FAS: variants seen among roughly 807,000 people sequenced by gnomAD.
FAS encodes Fas cell surface death receptor.
A neutral mutation model predicts 33.2 loss-of-function variants in FAS; 5 were observed. That is an observed-to-expected ratio of 0.15 (90% CI 0.08 to 0.32). FAS has a LOEUF of 0.32. Among genes scored for constraint, FAS ranks in the 10% least tolerant of loss-of-function variants. FAS has a pLI of 1.00. For synonymous variants in FAS, 131 were observed against 130.7 expected (o/e 1.00, Z -0.01); for missense variants, 339 against 386.0 (o/e 0.88, Z 1.02).
rs1333133635 is a variant in FAS, at chr10:89,015,644, G to A, written c.*1194G>A. 2.0e-6 allele frequency: 1 copy of A among 498,522 alleles called. No homozygotes were observed. The highest frequency in any genetic ancestry group is 3.8e-6 in the Non-Finnish European group (1 of 260,678). The allele number at this position is 498,522 out of a possible 1,614,324, so 30.9% of individuals were successfully genotyped here. Reference sequence around the variant, plus strand: ...AAATAATATTTATATTTCTGTAAATGTAAACTGTGAAGATAGTTATAAACT... The same window carrying A: ...AAATAATATTTATATTTCTGTAAATATAAACTGTGAAGATAGTTATAAACT... On this transcript the variant is annotated 3_prime_UTR_variant, in exon 9 of 9. Coordinates refer to ENST00000652046, the MANE Select transcript of FAS (RefSeq NM_000043.6).
intron 2 of FAS, among the ~76,000 whole-genome samples, chr10:89,006,083 T>C (rs1848211340): frequency 6.6e-6 from 1 of 152,272 alleles, no homozygotes; most frequent in Admixed American, 6.5e-5. Context: ...AATTTTGTTT[T>C]CATACTTTGG....
At chr10:89,012,624 GT>G (rs1848589776) in intron 7 of FAS, 1 of 157,506 alleles carries the variant, frequency 6.3e-6, no homozygotes, top group Non-Finnish European at 1.4e-5. Flanking sequence ...AATTGAGAGT[GT>G]GCTGAAAATG....
At chr10:88,989,674 A>G, upstream of FAS, 1 of 452,402 alleles carries the variant, frequency 2.2e-6, no homozygotes, top group Non-Finnish European at 4.4e-6. Flanking sequence ...GCTCCAGAAG[A>G]AAATGTCAAC....
intron 6 of FAS, 143 bp downstream of exon 6, chr10:89,010,958 A>G: frequency 3.3e-6 from 3 of 915,102 alleles, no homozygotes; most frequent in East Asian, 2.4e-5. Flanking sequence ...TGCAGCCTTG[A>G]GAGCTGACTG....
In FAS at chr10:89,013,380, T is replaced by A; in HGVS notation, c.676+13T>A. 1.2e-6 allele frequency: 2 copies of A among 1,611,082 alleles called. No homozygotes were observed. The highest frequency in any genetic ancestry group is 3.3e-4 in the Middle Eastern group (2 of 6,052). On this transcript the variant is annotated intron_variant, in intron 8 of 8. Coordinates refer to ENST00000652046, the MANE Select transcript of FAS (RefSeq NM_000043.6). Reference sequence around the variant, plus strand: ...ATAAATTTATCTGGTAAGGCTTTTATCATTTTATTTCATAGAGATGGCATC... The same window carrying A: ...ATAAATTTATCTGGTAAGGCTTTTAACATTTTATTTCATAGAGATGGCATC...
intron 1 of FAS, among the ~76,000 whole-genome samples, chr10:88,998,375 C>T (rs1239769302): frequency 6.9e-6 from 1 of 145,644 alleles, no homozygotes; most frequent in Non-Finnish European, 1.5e-5. Flanking sequence ...AAAACAAAAA[C>T]AGTGAAGCCA....
At position 89,015,759 on chromosome 10, in the gene FAS, G is replaced by C. The variant is rs1377967506; in HGVS notation, c.*1309G>C. On this transcript the variant is annotated 3_prime_UTR_variant, in exon 9 of 9. Coordinates refer to ENST00000652046, the MANE Select transcript of FAS (RefSeq NM_000043.6). The stretch of plus-strand genomic sequence containing the variant: ...TTGGAATTATAAAATATAGGTAAAA[G>C]TACGTAATTAAATAATGTTTTTGGT... The C allele has an allele frequency of 2.2e-5, 11 of 489,870 alleles. No individual in the cohort carries two copies. The East Asian group carries it at 4.4e-4, about 20-fold the overall frequency. The allele number at this position is 489,870 out of a possible 1,614,324, so 30.3% of individuals were successfully genotyped here.
chr10:88,970,665 A>G (rs1324844346), intron 1 of FAS, among the ~76,000 whole-genome samples: 2 of 152,182 alleles, frequency 1.3e-5, no homozygotes, highest in East Asian at 1.9e-4. Flanking sequence ...TGGGAATTGA[A>G]CAATGAGAAC....
At chr10:89,004,565 G>A (rs1431928728) in intron 2 of FAS, among the ~76,000 whole-genome samples, 1 of 133,736 alleles carries the variant, frequency 7.5e-6, no homozygotes, top group Admixed American at 9.3e-5. Context: ...TAATTTATAC[G>A]AAAATACCCT....
At chr10:88,969,494 G>A (rs1846384521) in intron 1 of FAS, among the ~76,000 whole-genome samples, 1 of 152,176 alleles carries the variant, frequency 6.6e-6, no homozygotes, top group South Asian at 2.1e-4. Context: ...GAGACTTTCA[G>A]AGCTTTAGGC....
intron 2 of FAS, among the ~76,000 whole-genome samples, chr10:89,007,029 A>G (rs920074430): frequency 6.6e-6 from 1 of 152,204 alleles, no homozygotes; most frequent in African/African-American, 2.4e-5. Context: ...TTGATGAAAA[A>G]GTAATAGAAA....
upstream of FAS, among the ~76,000 whole-genome samples, chr10:88,990,079 T>C (rs1214472006): frequency 6.6e-6 from 1 of 152,208 alleles, no homozygotes; most frequent in Non-Finnish European, 1.5e-5. The surrounding 1 kb of genome is among the most constrained non-coding windows in gnomAD (Gnocchi z 4.9). Context: ...TAGCTGGGGC[T>C]ATGCGATTTG....
chr10:88,992,997 T>C (rs1398011110), intron 1 of FAS, among the ~76,000 whole-genome samples: 1 of 152,242 alleles, frequency 6.6e-6, no homozygotes. Context: ...ATTTTAATTC[T>C]ATTAATGGGC....
intron 7 of FAS, among the ~76,000 whole-genome samples, 168 bp from the exon 8 acceptor site, chr10:89,013,175 A>C (rs1235110862): frequency 6.6e-6 from 1 of 152,204 alleles, no homozygotes; most frequent in African/African-American, 2.4e-5. Flanking sequence ...TAAAAATTGA[A>C]TGGTAAAAGT....
At chr10:88,968,638 C>T (rs1214940126) in intron 1 of FAS, among the ~76,000 whole-genome samples, 1 of 152,138 alleles carries the variant, frequency 6.6e-6, no homozygotes. Flanking sequence ...AGTCAAAATA[C>T]CACTCCAGAG....
chr10:88,986,418 T>G (rs1187122941), upstream of FAS, among the ~76,000 whole-genome samples: 1 of 152,252 alleles, frequency 6.6e-6, no homozygotes, highest in Non-Finnish European at 1.5e-5. Flanking sequence ...AATTGCTGTC[T>G]GCTTTTTAGT....
intron 7 of FAS, chr10:89,012,832 G>C (rs980345410): frequency 6.5e-6 from 1 of 153,268 alleles, no homozygotes; most frequent in African/African-American, 2.4e-5. Flanking sequence ...TCCCAACATG[G>C]TATCAATATA....
intron 2 of FAS, among the ~76,000 whole-genome samples, chr10:88,979,516 C>A (rs887075271): frequency 9.2e-5 from 14 of 152,116 alleles, no homozygotes; most frequent in Non-Finnish European, 5.9e-5. Context: ...GTGTAGGCAG[C>A]AATAACCCTA....
At chr10:88,969,775 T>C (rs1330820149) in intron 1 of FAS, among the ~76,000 whole-genome samples, 3 of 152,216 alleles carry the variant, frequency 2.0e-5, no homozygotes, top group Non-Finnish European at 4.4e-5. Context: ...ATTATTTCAT[T>C]CGTATACATC....
Sources: allele counts gnomAD v4.1 joint callset (sites outside exome capture counted in the v4.1 genomes callset), GRCh38; gene constraint gnomAD v4.1.1; non-coding constraint Gnocchi (gnomAD v3.1); transcripts MANE v1.5; gene names NCBI Gene and HGNC (gene_info 2026-07-23, HGNC 2026-07-21).